Variants in TNIK observed in about 807,000 individuals in gnomAD.
TNIK encodes the protein TRAF2 and NCK interacting kinase.
In TNIK, 49 loss-of-function variants were observed where a neutral mutation model predicts 191.3. That is an observed-to-expected ratio of 0.26 (90% CI 0.20 to 0.32). TNIK has a LOEUF of 0.32. TNIK is among the 10% of genes least tolerant of loss of function. TNIK has a pLI of 1.00. For synonymous variants in TNIK, 594 were observed against 600.9 expected, an observed-to-expected ratio of 0.99 and a Z score of 0.17; for missense variants, 1,155 against 1,702.3, an observed-to-expected ratio of 0.68 and a Z score of 5.66.
rs535350664 is a variant in TNIK at position 171,152,150 on chromosome 3, G to A, written c.1221+5310C>T. On this transcript the variant is annotated intron_variant, in intron 12 of 32. Coordinates refer to ENST00000436636, the MANE Select transcript of TNIK (RefSeq NM_015028.4). The stretch of plus-strand genomic sequence containing the variant: ...ACAAAGACTAGCTGGGCGTGGTGGA[G>A]CATGCCTGTAATCCCAGCTACTCGG... Among the ~76,000 whole-genome samples the A allele has an allele frequency of 3.3e-5, 5 of 152,148 alleles. No individual in the cohort carries two copies. The East Asian group carries it at 9.7e-4, about 29-fold the overall frequency.
At chr3:171,119,557 A>C (rs13079775) in intron 18 of TNIK, among the ~76,000 whole-genome samples, 83,070 of 151,984 alleles carry the variant, frequency 0.55, 22,979 homozygotes, top group East Asian at 0.66. Flanking sequence ...AATGTCCAAC[A>C]ATGATAGACT....
chr3:171,131,329 C>A (rs1729237686), intron 15 of TNIK, among the ~76,000 whole-genome samples: 1 of 90,602 alleles, frequency 1.1e-5, no homozygotes, highest in African/African-American at 4.2e-5. Flanking sequence ...CAGAGCGAGA[C>A]TCCGTCTCAA....
chr3:171,430,470 T>A (rs757831050), intron 1 of TNIK, among the ~76,000 whole-genome samples: 68 of 151,614 alleles, frequency 4.5e-4, no homozygotes, highest in Non-Finnish European at 8.7e-4. Flanking sequence ...GGAGGGTCTG[T>A]CTCTCAAAAA....
Position 171,460,203 on chromosome 3 carries a change from A to G in TNIK, c.-140T>C, listed in dbSNP as rs1729313632. ...GGGCCCAGCCTCCCCCGCCCACCCC[A>G]GCCCCACAGCGCCGGATCCCGATCC... On this transcript the variant is annotated 5_prime_UTR_variant, in exon 1 of 33. Coordinates refer to ENST00000436636, the MANE Select transcript of TNIK (RefSeq NM_015028.4). This position sits in a 1 kb window ranked among gnomAD's most constrained non-coding sequence, Gnocchi z 6.8. 9.5e-7 allele frequency: 1 copy of G among 1,057,832 alleles called. No individual in the cohort carries two copies. Among genetic ancestry groups the G allele is most frequent in the Non-Finnish European group, 1.4e-6 (1 of 728,560 alleles). 65.5% of individuals were successfully genotyped at this position (1,057,832 alleles called of 1,614,324 possible). A position where few individuals can be genotyped will look rare whatever the true frequency, so the allele number is the denominator to read the frequency against.
intron 15 of TNIK, among the ~76,000 whole-genome samples, chr3:171,132,165 T>TGG (rs1729396784): frequency 6.6e-6 from 1 of 152,200 alleles, no homozygotes; most frequent in Admixed American, 6.5e-5. Flanking sequence ...CCATCAGGTA[T>TGG]GGAGTGTGAA....
chr3:171,186,471 A>G (rs1051782268), intron 7 of TNIK, among the ~76,000 whole-genome samples: 1 of 152,202 alleles, frequency 6.6e-6, no homozygotes, highest in Non-Finnish European at 1.5e-5. Context: ...TCAATATTAT[A>G]AAGTCCTCTG....
chr3:171,316,780 A>G (rs1754641811), intron 2 of TNIK, among the ~76,000 whole-genome samples: 1 of 151,980 alleles, frequency 6.6e-6, no homozygotes, highest in East Asian at 1.9e-4. Context: ...TGCCTGAATG[A>G]TAGTTCTTAT....
chr3:171,457,437 C>T (rs1329761872), intron 1 of TNIK, among the ~76,000 whole-genome samples: 1 of 152,190 alleles, frequency 6.6e-6, no homozygotes, highest in Non-Finnish European at 1.5e-5. Flanking sequence ...ACTGGTAAGT[C>T]TGCAGCAAAT....
At chr3:171,114,853 C>T (rs1411776629) in intron 18 of TNIK, among the ~76,000 whole-genome samples, 1 of 152,052 alleles carries the variant, frequency 6.6e-6, no homozygotes, top group Non-Finnish European at 1.5e-5. Context: ...CTGGAAATAC[C>T]CTTCATTTAG....
At chr3:171,111,588 G>A (rs368797081) in intron 18 of TNIK, among the ~76,000 whole-genome samples, 4 of 152,112 alleles carry the variant, frequency 2.6e-5, no homozygotes, top group Admixed American at 6.5e-5. Flanking sequence ...CAGCCAGTAC[G>A]GAAAACAGTA....
intron 26 of TNIK, 60 bp downstream of exon 26, chr3:171,084,095 A>T: frequency 6.9e-7 from 1 of 1,457,196 alleles, no homozygotes; most frequent in Non-Finnish European, 9.1e-7. Context: ...TTAATGTTTG[A>T]GGGTCAGTTC....
In TNIK at chr3:171,101,658, A is replaced by G. The variant is rs781131854; in HGVS notation, c.2407-25T>C. 3.1e-6 allele frequency: 5 copies of G among 1,609,290 alleles called. No homozygotes were observed. The African/African-American group carries it at 4.0e-5, about 13-fold the overall frequency. ...CCTATGAAAGAAAAATTTGTTCAGC[A>G]TATGAGTGGTAGATACGACCAAAGC... is the stretch of plus-strand genomic sequence containing the variant. On this transcript the variant is annotated intron_variant, in intron 21 of 32. Coordinates refer to ENST00000436636, the MANE Select transcript of TNIK (RefSeq NM_015028.4).
chr3:171,276,932 T>C, intron 2 of TNIK, among the ~76,000 whole-genome samples: 1 of 152,242 alleles, frequency 6.6e-6, no homozygotes, highest in East Asian at 1.9e-4. Flanking sequence ...AGAAAGTCTA[T>C]GCTTTAGATT....
At chr3:171,260,941 T>A (rs1577280946) in intron 2 of TNIK, among the ~76,000 whole-genome samples, 3 of 152,364 alleles carry the variant, frequency 2.0e-5, no homozygotes, top group Admixed American at 2.0e-4. Flanking sequence ...TTTTCAAATA[T>A]TTTCCTAAAG....
chr3:171,088,708 AG>A (rs1721675805), intron 23 of TNIK, among the ~76,000 whole-genome samples: 1 of 152,214 alleles, frequency 6.6e-6, no homozygotes, highest in Non-Finnish European at 1.5e-5. Context: ...AACCCCAGGG[AG>A]GAAAGGCAAG....
intron 4 of TNIK, among the ~76,000 whole-genome samples, chr3:171,200,014 T>A (rs755809459): frequency 6.6e-5 from 10 of 152,212 alleles, no homozygotes; most frequent in Non-Finnish European, 1.5e-4. Context: ...TTCTAAAACC[T>A]CTATTAATGA....
intron 2 of TNIK, among the ~76,000 whole-genome samples, chr3:171,323,635 C>A (rs1755416675): frequency 6.6e-6 from 1 of 152,100 alleles, no homozygotes; most frequent in African/African-American, 2.4e-5. Context: ...ATCAGGGGAA[C>A]TAAACACAGT....
chr3:171,264,438 T>G (rs1375620134), intron 2 of TNIK, among the ~76,000 whole-genome samples: 1 of 152,098 alleles, frequency 6.6e-6, no homozygotes, highest in East Asian at 1.9e-4. Context: ...CACCTCAACC[T>G]TCGCCTCCTG....
At chr3:171,136,822 A>T (rs753891467) in intron 15 of TNIK, among the ~76,000 whole-genome samples, 7 of 152,226 alleles carry the variant, frequency 4.6e-5, no homozygotes, top group African/African-American at 4.8e-5. Context: ...CTTAGCTGGA[A>T]GAACAGGTGG....
Sources: allele counts gnomAD v4.1 joint callset (sites outside exome capture counted in the v4.1 genomes callset), GRCh38; gene constraint gnomAD v4.1.1; non-coding constraint Gnocchi (gnomAD v3.1); transcripts MANE v1.5; gene names NCBI Gene and HGNC (gene_info 2026-07-23, HGNC 2026-07-21).